The following SERHL2 variants were observed in gnomAD, a reference collection of about 807,000 sequenced individuals.
SERHL2 encodes serine hydrolase like 2, also known as serine hydrolase-like protein 2.
Under a neutral mutation model 25.5 loss-of-function variants are expected in SERHL2, and 29 were observed. That is an observed-to-expected ratio of 1.14 (90% CI 0.85 to 1.55). The LOEUF is 1.55. Ranked by LOEUF, SERHL2 falls within the 40% of genes most tolerant of loss-of-function variation. The probability of loss-of-function intolerance (pLI) is 0.00; values close to 1 mark genes in which losing one functional copy is unlikely to be tolerated. For synonymous variants in SERHL2, 95 were observed against 103.5 expected, an observed-to-expected ratio of 0.92 and a Z score of 0.50; for missense variants, 240 against 252.3, an observed-to-expected ratio of 0.95 and a Z score of 0.33.
intron 8 of SERHL2, among the ~76,000 whole-genome samples, chr22:42,562,081 G>T (rs576268206): frequency 7.2e-5 from 11 of 151,846 alleles, no homozygotes; most frequent in South Asian, 6.2e-4. Context: ...GGGTCTGGGG[G>T]AAGTGGTCAG....
In SERHL2 at chr22:42,566,408, A is replaced by C. The variant is rs553545544; in HGVS notation, c.648+70A>C. ...AGCGTCTTTGTCGTTTTTGAAAATT[A>C]CAGGCCAGGCGTGGTGGCTCACGCC... is the stretch of plus-strand genomic sequence containing the variant. On this transcript the variant is annotated intron_variant, in intron 9 of 11. Coordinates refer to ENST00000327678, the MANE Select transcript of SERHL2 (RefSeq NM_014509.5). 3.0e-4 allele frequency: 461 copies of C among 1,518,322 alleles called. 12 individuals carry two copies. The South Asian group carries it at 5.0e-3, about 17-fold the overall frequency. 94.1% of individuals were successfully genotyped at this position (1,518,322 alleles called of 1,614,324 possible).
At chr22:42,568,809 T>C (rs1418893745) in intron 9 of SERHL2, among the ~76,000 whole-genome samples, 1 of 151,834 alleles carries the variant, frequency 6.6e-6, no homozygotes, top group African/African-American at 2.4e-5. Context: ...TACCAAAAAA[T>C]ACAAAAATTA....
Position 42,574,328 on chromosome 22 carries a change from C to T in SERHL2, c.*273C>T, listed in dbSNP as rs1234728654. The T allele has an allele frequency of 5.6e-6, 3 of 532,354 alleles. No homozygotes were observed. The highest frequency in any genetic ancestry group is 1.0e-5 in the Non-Finnish European group (3 of 299,220). The allele number at this position is 532,354 out of a possible 1,614,324, so 33.0% of individuals were successfully genotyped here. ...GGAAGGAAGGGCAGGCTGGGCCCAC[C>T]TAGCCTTTCCCTGCTGCCCAACTGG... On this transcript the variant is annotated 3_prime_UTR_variant, in exon 12 of 12. Coordinates refer to ENST00000327678, the MANE Select transcript of SERHL2 (RefSeq NM_014509.5).
chr22:42,567,382 C>T (rs1315974478), intron 9 of SERHL2, among the ~76,000 whole-genome samples: 1 of 151,770 alleles, frequency 6.6e-6, no homozygotes, highest in Non-Finnish European at 1.5e-5. Context: ...TTCGATTTTT[C>T]GGCCGGGCGC....
intron 8 of SERHL2, among the ~76,000 whole-genome samples, chr22:42,563,196 TTTTTTTTTTGTTG>T (rs755720474): frequency 2.5e-5 from 3 of 122,170 alleles, no homozygotes; most frequent in East Asian, 6.2e-4. Context: ...TTTTCTTTTT[TTTTTTTTTTGTTG>T]TTGTTGTTGT....
chr22:42,557,607 A>ATAAG (rs1483760795), intron 6 of SERHL2, among the ~76,000 whole-genome samples: 4 of 56,926 alleles, frequency 7.0e-5, no homozygotes, highest in Non-Finnish European at 2.3e-4. Flanking sequence ...TCCCATAAGG[A>ATAAG]TAAGGATCAT....
chr22:42,566,254 G>A, intron 8 of SERHL2, 50 bp from the exon 9 acceptor site: 1 of 1,592,964 alleles, frequency 6.3e-7, no homozygotes, highest in Non-Finnish European at 8.6e-7. Flanking sequence ...AGCGTCCCCT[G>A]ACCCTGATGG....
intron 8 of SERHL2, 150 bp downstream of exon 8, chr22:42,560,415 A>G: frequency 1.5e-6 from 1 of 647,154 alleles, no homozygotes; most frequent in South Asian, 1.8e-5. Flanking sequence ...CATCCCATTT[A>G]GAGCAGGAGA....
chr22:42,559,922 A>C (rs565582678), intron 7 of SERHL2, among the ~76,000 whole-genome samples: 4 of 151,774 alleles, frequency 2.6e-5, no homozygotes, highest in African/African-American at 4.8e-5. Context: ...AGTGATTCTC[A>C]TGCCTCAGCT....
intron 10 of SERHL2, chr22:42,571,547 TCCCGAGTAG>T (rs1924191422): frequency 2.1e-6 from 2 of 946,332 alleles, no homozygotes; most frequent in Non-Finnish European, 2.6e-6. Context: ...TGCCTCAGCC[TCCCGAGTAG>T]CTGGGACTAC....
At chr22:42,573,027 TCTGCA>T (rs1386668300) in intron 11 of SERHL2, among the ~76,000 whole-genome samples, 1 of 151,732 alleles carries the variant, frequency 6.6e-6, no homozygotes, top group Non-Finnish European at 1.5e-5. Context: ...GCCTCATCCC[TCTGCA>T]CCCATCATGA....
chr22:42,570,310 G>C (rs534887710), intron 9 of SERHL2, among the ~76,000 whole-genome samples: 23 of 152,062 alleles, frequency 1.5e-4, no homozygotes, highest in Non-Finnish European at 1.5e-4. Context: ...CCAGCTACTC[G>C]GTAGGCTGAG....
intron 7 of SERHL2, among the ~76,000 whole-genome samples, chr22:42,559,968 T>TCCC (rs1922475457): frequency 6.6e-6 from 1 of 151,476 alleles, no homozygotes; most frequent in Non-Finnish European, 1.5e-5. Context: ...CATGCCACCA[T>TCCC]GTCCAGCTAA....
chr22:42,570,516 C>G (rs1245874854), intron 9 of SERHL2, among the ~76,000 whole-genome samples: 1 of 152,194 alleles, frequency 6.6e-6, no homozygotes, highest in Non-Finnish European at 1.5e-5. Flanking sequence ...ATTTTGCATG[C>G]TAAGTTTTCC....
chr22:42,568,067 C>T (rs1398522917), intron 9 of SERHL2, among the ~76,000 whole-genome samples: 5 of 151,954 alleles, frequency 3.3e-5, no homozygotes, highest in Middle Eastern at 6.8e-3. Flanking sequence ...CTCTGTCACC[C>T]GGACTGGAGT....
intron 11 of SERHL2, among the ~76,000 whole-genome samples, chr22:42,572,959 C>T (rs1924445117): frequency 6.6e-6 from 1 of 151,744 alleles, no homozygotes; most frequent in African/African-American, 2.4e-5. Flanking sequence ...TGGGAGCCAC[C>T]ATACCCGGCC....
intron 8 of SERHL2, among the ~76,000 whole-genome samples, chr22:42,563,705 T>C (rs867363429): frequency 6.6e-6 from 1 of 151,970 alleles, no homozygotes; most frequent in African/African-American, 2.4e-5. Context: ...TATACTCTTT[T>C]TATTTTTTGG....
intron 11 of SERHL2, among the ~76,000 whole-genome samples, chr22:42,573,026 C>G (rs1322175540): frequency 6.6e-6 from 1 of 151,814 alleles, no homozygotes; most frequent in Admixed American, 6.6e-5. Flanking sequence ...TGCCTCATCC[C>G]TCTGCACCCA....
intron 7 of SERHL2, among the ~76,000 whole-genome samples, chr22:42,559,295 A>T (rs1352132419): frequency 4.1e-5 from 6 of 147,926 alleles, no homozygotes; most frequent in Admixed American, 1.3e-4. Context: ...GGTCCCAGCT[A>T]CTCAGCAGCC....
Sources: allele counts gnomAD v4.1 joint callset (sites outside exome capture counted in the v4.1 genomes callset), GRCh38; gene constraint gnomAD v4.1.1; transcripts MANE v1.5; gene names NCBI Gene and HGNC (gene_info 2026-07-23, HGNC 2026-07-21).